PCDHA5: variants seen among roughly 807,000 people sequenced by gnomAD.
The protein encoded by PCDHA5 is protocadherin alpha-5.
Under a neutral mutation model 61.6 loss-of-function variants are expected in PCDHA5, and 43 were observed. The observed-to-expected ratio is 0.70, with a 90% CI of 0.55 to 0.90. The LOEUF (loss-of-function observed/expected upper bound fraction) is 0.90, where lower values mean the gene tolerates loss of function less well. Among genes scored for constraint, PCDHA5 ranks in the 40% least tolerant of loss-of-function variants. The pLI is 0.00. For missense variants in PCDHA5, 1,298 were observed against 1,222.7 expected, an observed-to-expected ratio of 1.06 and a Z score of -0.92; for synonymous variants, 627 against 543.9, an observed-to-expected ratio of 1.15 and a Z score of -2.13.
At chr5:140,836,168 T>G in intron 1 of PCDHA5, 2 of 1,613,802 alleles carry the variant, frequency 1.2e-6, no homozygotes, top group African/African-American at 1.3e-5. Flanking sequence ...CGAAGGTACG[T>G]GCAGTTGACG....
At chr5:140,947,302 C>G (rs1390442873) in intron 1 of PCDHA5, among the ~76,000 whole-genome samples, 2 of 151,504 alleles carry the variant, frequency 1.3e-5, no homozygotes, top group Non-Finnish European at 3.0e-5. Flanking sequence ...ATCTTGACAT[C>G]TTTGTAAAAA....
chr5:140,992,017 C>CTGTGTG (rs10602499), intron 3 of PCDHA5, among the ~76,000 whole-genome samples: 2,290 of 145,594 alleles, frequency 0.016, 56 homozygotes, highest in African/African-American at 0.05. Flanking sequence ...AGAGGTGGCT[C>CTGTGTG]TGTGTGTGTG....
intron 1 of PCDHA5, chr5:140,842,511 T>G: frequency 6.2e-7 from 1 of 1,613,722 alleles, no homozygotes; most frequent in Non-Finnish European, 8.5e-7. Flanking sequence ...CCCTTCAAGC[T>G]GGTGTCCACC....
intron 1 of PCDHA5, chr5:140,835,681 C>T (rs2150132521): frequency 6.2e-7 from 1 of 1,613,918 alleles, no homozygotes; most frequent in Non-Finnish European, 8.5e-7. Flanking sequence ...GGGGGCTCGC[C>T]TTCTCTGTGG....
chr5:140,822,802 A>G lies in PCDHA5; in HGVS notation c.1027A>G (p.Asn343Asp). ...CKVVVKLLDV[N>D]DNTPEMAITT... The stretch of plus-strand genomic sequence containing the variant: ...AGTAGTAGTGAAACTCCTGGATGTG[A>G]ATGATAATACCCCAGAGATGGCCAT... Residue 343 changes from asparagine (N) to aspartate (D), a missense_variant, in exon 1 of 4, where the codon AAT (asparagine) becomes GAT (aspartate). Coordinates refer to ENST00000529859, the MANE Select transcript of PCDHA5 (RefSeq NM_018908.3). The G allele has an allele frequency of 1.9e-6, 3 of 1,614,170 alleles. No individual in the cohort carries two copies. The highest frequency in any genetic ancestry group is 3.3e-4 in the Middle Eastern group (2 of 6,062).
intron 1 of PCDHA5, chr5:140,968,789 G>T (rs782339889): frequency 1.9e-6 from 3 of 1,614,180 alleles, no homozygotes; most frequent in South Asian, 1.1e-5. Flanking sequence ...AGCCTCTGTG[G>T]CCATTACAGT....
intron 3 of PCDHA5, among the ~76,000 whole-genome samples, chr5:140,983,853 A>T (rs1447321377): frequency 6.6e-6 from 1 of 152,230 alleles, no homozygotes; most frequent in African/African-American, 2.4e-5. Context: ...ATTAAGTAAC[A>T]TGCAGCTAAG....
At chr5:140,825,409 T>A (rs1768556836) in intron 1 of PCDHA5, 1 of 146,468 alleles carries the variant, frequency 6.8e-6, no homozygotes, top group African/African-American at 2.5e-5. Context: ...ATTATATATT[T>A]TATATAATAT....
chr5:140,998,005 C>T (rs539275150), intron 3 of PCDHA5, among the ~76,000 whole-genome samples: 300 of 152,282 alleles, frequency 2.0e-3, no homozygotes, highest in Non-Finnish European at 3.8e-3. Context: ...TCTGAGCCTT[C>T]CATCCCCACC....
intron 1 of PCDHA5, among the ~76,000 whole-genome samples, chr5:140,918,002 A>G (rs2153546564): frequency 1.3e-5 from 2 of 152,244 alleles, no homozygotes; most frequent in South Asian, 4.2e-4. Context: ...TATCTTAACA[A>G]TGTTGTTTCT....
chr5:140,863,047 C>G (rs1554157583), intron 1 of PCDHA5: 1 of 560,866 alleles, frequency 1.8e-6, no homozygotes. Flanking sequence ...TGTCAGCTGG[C>G]AGCACCCGTT....
At chr5:140,967,156 G>A (rs1169438367) in intron 1 of PCDHA5, 1 of 1,610,422 alleles carries the variant, frequency 6.2e-7, no homozygotes, top group Admixed American at 1.7e-5. Context: ...ACCCCGTGGC[G>A]GTGAGCGCCG....
At chr5:140,826,319 GT>G (rs1554130524) in intron 1 of PCDHA5, among the ~76,000 whole-genome samples, 1 of 147,564 alleles carries the variant, frequency 6.8e-6, no homozygotes, top group African/African-American at 2.7e-5. Context: ...TTTGGGGATT[GT>G]TTTTGGTTAA....
At chr5:140,912,139 GTTC>G (rs2075787473) in intron 1 of PCDHA5, among the ~76,000 whole-genome samples, 1 of 152,162 alleles carries the variant, frequency 6.6e-6, no homozygotes. Context: ...ATCTCTCCAT[GTTC>G]TTCTGCCTGT....
intron 1 of PCDHA5, among the ~76,000 whole-genome samples, chr5:140,965,769 A>G (rs571022357): frequency 2.0e-5 from 3 of 152,376 alleles, no homozygotes; most frequent in Admixed American, 2.0e-4. Flanking sequence ...GTCAAATAAT[A>G]GATTTGCCTA....
intron 2 of PCDHA5, 101 bp downstream of exon 2, chr5:140,979,108 A>G: frequency 6.6e-7 from 1 of 1,526,122 alleles, no homozygotes; most frequent in African/African-American, 1.4e-5. Flanking sequence ...AAAACTAAAA[A>G]GCTTTAGGTA....
chr5:140,837,476 A>G (rs1775072155), intron 1 of PCDHA5, among the ~76,000 whole-genome samples: 1 of 151,156 alleles, frequency 6.6e-6, no homozygotes, highest in African/African-American at 2.4e-5. Flanking sequence ...TCAAACCCCA[A>G]ACCATTTACT....
chr5:140,836,448 C>T, intron 1 of PCDHA5: 1 of 1,613,824 alleles, frequency 6.2e-7, no homozygotes, highest in Non-Finnish European at 8.5e-7. Context: ...CATTGCAGGC[C>T]CAGAGACCGA....
chr5:140,842,062 C>G lies in PCDHA5; in HGVS notation c.2352+17935C>G, dbSNP rs548664799. The G allele has an allele frequency of 3.1e-6, 5 of 1,613,774 alleles. No individual in the cohort carries two copies. In the African/African-American group the frequency reaches 6.7e-5, roughly 22 times the overall value. ...CTCCCACTTTCGAACAGTCTGAATA[C>G]GAAGTAAGAATATTCGAAAACGCAG... On this transcript the variant is annotated intron_variant, in intron 1 of 3. Coordinates refer to ENST00000529859, the MANE Select transcript of PCDHA5 (RefSeq NM_018908.3).
Sources: allele counts gnomAD v4.1 joint callset (sites outside exome capture counted in the v4.1 genomes callset), GRCh38; gene constraint gnomAD v4.1.1; transcripts MANE v1.5; gene names NCBI Gene and HGNC (gene_info 2026-07-23, HGNC 2026-07-21).